SFMBT2: variants seen among roughly 807,000 people sequenced by gnomAD.
SFMBT2 encodes the protein scm-like with four MBT domains protein 2.
SFMBT2 carries 38 observed loss-of-function variants against 110.1 expected under a neutral mutation model. The ratio of observed to expected loss-of-function variants is 0.35; its 90% CI spans 0.27 to 0.45. SFMBT2 has a LOEUF of 0.45. SFMBT2 is among the 20% of genes least tolerant of loss of function. SFMBT2 has a pLI of 1.00. For missense variants in SFMBT2, 1,011 were observed against 1,094.9 expected, an observed-to-expected ratio of 0.92 and a Z score of 1.08; for synonymous variants, 425 against 425.4, an observed-to-expected ratio of 1.00 and a Z score of 0.01.
At chr10:7,407,396 G>A (rs1244036757) in intron 1 of SFMBT2, among the ~76,000 whole-genome samples, 1 of 152,172 alleles carries the variant, frequency 6.6e-6, no homozygotes. Flanking sequence ...GTGGAGGGGG[G>A]ATGGAGAGTG....
In SFMBT2 at chr10:7,315,028, AAGAAAGAAAG is replaced by A. The variant is rs1335552953; in HGVS notation, c.437-29084_437-29075del. Among the ~76,000 whole-genome samples, 6 of 140,842 alleles carry A rather than the reference AAGAAAGAAAG, an allele frequency of 4.3e-5. No homozygotes were observed. The South Asian group carries it at 1.3e-3, about 31-fold the overall frequency. The allele number at this position is 140,842 out of a possible 152,430, so 92.4% of individuals were successfully genotyped here. ...GAAAGAAAGAAAGAAAAGAGAGAGA[AAGAAAGAAAG>A]AGAAAGAAAGAAAGAAAGAAAGAAA... On this transcript the variant is annotated intron_variant, in intron 4 of 20. Transcript: ENST00000397167.
chr10:7,243,271 C>T (rs1840493184), intron 9 of SFMBT2, among the ~76,000 whole-genome samples: 1 of 152,138 alleles, frequency 6.6e-6, no homozygotes, highest in Admixed American at 6.5e-5. Context: ...AATCACTTAG[C>T]AATGCTGCAC....
chr10:7,319,898 G>C (rs1843127205), intron 4 of SFMBT2, among the ~76,000 whole-genome samples: 1 of 142,514 alleles, frequency 7.0e-6, no homozygotes, highest in African/African-American at 2.5e-5. Flanking sequence ...CAGAGAGACA[G>C]AGAGAGACTA....
intron 12 of SFMBT2, chr10:7,203,121 C>G: frequency 5.1e-6 from 5 of 985,024 alleles, no homozygotes; most frequent in Non-Finnish European, 6.0e-6. Flanking sequence ...CTTTTGGCAT[C>G]TACTAACTTT....
At position 7,220,485 on chromosome 10, in the gene SFMBT2, G is replaced by A. The variant is rs768872991; in HGVS notation, c.1256C>T (p.Pro419Leu). Residue 419 changes from proline (P) to leucine (L), a missense_variant, in exon 11 of 21, where the codon CCC becomes CTC. Pro to Leu is a moderately conservative substitution (Grantham distance 98). Transcript: ENST00000397167. ...CACACACAGTTCTCCTGGATTCCTG[G>A]GGTTCACAGCTTCAAGTTTCATGTT... ...TKNMKLEAVN[P>L]RNPGELCVAS... is the part of the protein sequence containing the mutation. 2 of 1,614,064 alleles carry A rather than the reference G, an allele frequency of 1.2e-6. No individual in the cohort carries two copies. Among genetic ancestry groups the A allele is most frequent in the Non-Finnish European group, 1.7e-6 (2 of 1,179,978 alleles).
intron 7 of SFMBT2, among the ~76,000 whole-genome samples, chr10:7,250,922 A>G (rs2131739140): frequency 2.0e-5 from 3 of 152,326 alleles, no homozygotes; most frequent in Middle Eastern, 6.8e-3. Context: ...ACCAGCCATC[A>G]TGTCCAGGCA....
At chr10:7,370,503 C>T (rs187605619) in intron 2 of SFMBT2, 128 bp from the exon 3 acceptor site, 5 of 796,212 alleles carry the variant, frequency 6.3e-6, no homozygotes, top group African/African-American at 5.2e-5. Flanking sequence ...AAGGATATTG[C>T]TGAATTTTTT....
intron 7 of SFMBT2, among the ~76,000 whole-genome samples, chr10:7,254,405 TCAAAA>T (rs1156809323): frequency 6.6e-6 from 1 of 151,832 alleles, no homozygotes; most frequent in African/African-American, 2.4e-5. Flanking sequence ...AGAAGGAACT[TCAAAA>T]CAAATTTTTT....
rs923497974 is a variant in SFMBT2 at position 7,160,431 on chromosome 10, G to A, written c.*3339C>T. ...GTTGAGGTGGCATCTCTTTCTCAGG[G>A]TTTTCAAACGGCGCAGACTGCAGAG... On this transcript the variant is annotated 3_prime_UTR_variant, in exon 21 of 21. Coordinates refer to ENST00000397167, the MANE Select transcript of SFMBT2 (RefSeq NM_001387889.1). 6.6e-6 allele frequency: 1 copy of A among 152,202 alleles called. No homozygotes were observed. The highest frequency in any genetic ancestry group is 2.4e-5 in the African/African-American group (1 of 41,418). 9.4% of individuals were successfully genotyped at this position (152,202 alleles called of 1,614,324 possible).
At chr10:7,206,529 T>A (rs1001269752) in intron 11 of SFMBT2, 12 of 985,340 alleles carry the variant, frequency 1.2e-5, no homozygotes, top group Non-Finnish European at 1.3e-5. Context: ...TTACTTTGTT[T>A]TGAACTCAGT....
Position 7,262,713 on chromosome 10 carries a change from C to T in SFMBT2, c.871-14064G>A, listed in dbSNP as rs528101956. ...CCCAGTGATCAAGCAGCTGCGATGGCGAACTCTGTATAGATCTGGATTTTG... is the reference window on the plus strand; with the variant it reads ...CCCAGTGATCAAGCAGCTGCGATGGTGAACTCTGTATAGATCTGGATTTTG... On this transcript the variant is annotated intron_variant, in intron 7 of 20. Coordinates refer to ENST00000397167, the MANE Select transcript of SFMBT2 (RefSeq NM_001387889.1). Among the ~76,000 whole-genome samples, 135 of 152,186 alleles carry T rather than the reference C, an allele frequency of 8.9e-4. 1 individual carries two copies. The highest frequency in any genetic ancestry group is 3.2e-3 in the African/African-American group (134 of 41,438).
intron 7 of SFMBT2, among the ~76,000 whole-genome samples, chr10:7,272,715 A>T (rs999922156): frequency 6.6e-6 from 1 of 152,192 alleles, no homozygotes; most frequent in Non-Finnish European, 1.5e-5. Context: ...AAAACCAGCC[A>T]AAGAGGAAAT....
intron 7 of SFMBT2, among the ~76,000 whole-genome samples, chr10:7,268,204 C>A (rs1215720631): frequency 1.3e-5 from 2 of 152,084 alleles, no homozygotes; most frequent in African/African-American, 4.8e-5. Flanking sequence ...TTAAAACTTA[C>A]CAAGCCCCAA....
rs187961583 is a variant in SFMBT2, at chr10:7,183,529, A to G, written c.1808+5095T>C. 8.6e-4 allele frequency among the ~76,000 whole-genome samples: 131 copies of G among 152,340 alleles called. 1 individual carries two copies. Among genetic ancestry groups the G allele is most frequent in the African/African-American group, 3.1e-3 (127 of 41,580 alleles). On this transcript the variant is annotated intron_variant, in intron 16 of 20. Transcript: ENST00000397167. ...TTGAGATTCGACAGATACAGCAAGA[A>G]GTCTTGTTGGAGCTCCCATTATCTG...
At chr10:7,324,848 G>A (rs939729192) in intron 4 of SFMBT2, among the ~76,000 whole-genome samples, 1 of 152,104 alleles carries the variant, frequency 6.6e-6, no homozygotes, top group African/African-American at 2.4e-5. Context: ...GGGAGGCGGA[G>A]GGAGAGTGCA....
At chr10:7,209,053 C>G (rs1839248305) in intron 11 of SFMBT2, among the ~76,000 whole-genome samples, 1 of 152,174 alleles carries the variant, frequency 6.6e-6, no homozygotes, top group Admixed American at 6.5e-5. Context: ...GTTTCTGACC[C>G]TAAACAAATC....
chr10:7,323,450 C>CA (rs1388420156), intron 4 of SFMBT2, among the ~76,000 whole-genome samples: 2,248 of 20,760 alleles, frequency 0.11, 69 homozygotes, highest in African/African-American at 0.16. Context: ...GACTCCATCT[C>CA]AAAAAAAAAA....
At chr10:7,181,594 C>T (rs1838247819) in intron 16 of SFMBT2, among the ~76,000 whole-genome samples, 1 of 152,080 alleles carries the variant, frequency 6.6e-6, no homozygotes, top group Admixed American at 6.5e-5. Flanking sequence ...CAAACTATAC[C>T]AAGCTGACTC....
At chr10:7,345,268 A>G (rs1307863347) in intron 4 of SFMBT2, among the ~76,000 whole-genome samples, 3 of 152,228 alleles carry the variant, frequency 2.0e-5, no homozygotes, top group Admixed American at 2.0e-4. Context: ...AGATGTCATG[A>G]TGTCCCTTCA....
Sources: gnomAD v4.1 joint callset for allele counts (sites outside exome capture counted in the v4.1 genomes callset) on GRCh38, gnomAD v4.1.1 for gene constraint, MANE v1.5 for transcripts, NCBI Gene and HGNC (gene_info 2026-07-23, HGNC 2026-07-21) for gene names.